MRPS35: variants seen among roughly 807,000 people sequenced by gnomAD.
MRPS35 encodes the protein small ribosomal subunit protein mS35.
MRPS35 carries 29 observed loss-of-function variants against 32.7 expected under a neutral mutation model. The observed-to-expected ratio is 0.89, with a 90% CI of 0.66 to 1.21. The LOEUF (loss-of-function observed/expected upper bound fraction) is 1.21. Among genes scored for constraint, MRPS35 ranks in the 50% most tolerant of loss-of-function variants. MRPS35 has a pLI of 0.00. For synonymous variants in MRPS35, 148 were observed against 139.3 expected (o/e 1.06, Z -0.44); for missense variants, 373 against 383.8 (o/e 0.97, Z 0.23).
At chr12:27,731,751 T>C (rs1033671218) in intron 5 of MRPS35, among the ~76,000 whole-genome samples, 4 of 152,142 alleles carry the variant, frequency 2.6e-5, no homozygotes, top group Non-Finnish European at 5.9e-5. Flanking sequence ...GTATTTTTAG[T>C]AGAGATGGGG....
In MRPS35 at chr12:27,755,282, G is replaced by A. The variant is rs1198067822; in HGVS notation, c.804G>A (p.Gln268=). The part of the protein sequence containing the change: ...SERNILETLL[Q]MKAAEKNMEI... Reference sequence around the variant, plus strand: ...GAAATATCCTGGAAACGCTTCTCCAGATGAAAGCTGCTGAGAAAAATATGG... The same window carrying A: ...GAAATATCCTGGAAACGCTTCTCCAAATGAAAGCTGCTGAGAAAAATATGG... The change falls in exon 8 of 8, where the codon CAG becomes CAA. Residue 268 remains glutamine (Q), a synonymous_variant. Transcript: ENST00000081029. The A allele has an allele frequency of 6.2e-7, 1 of 1,613,094 alleles. No homozygotes were observed. Among genetic ancestry groups the A allele is most frequent in the Non-Finnish European group, 8.5e-7 (1 of 1,179,830 alleles).
chr12:27,720,386 C>T (rs565926283), intron 4 of MRPS35, among the ~76,000 whole-genome samples: 1 of 139,186 alleles, frequency 7.2e-6, no homozygotes, highest in Non-Finnish European at 1.6e-5. Context: ...AAGAGGGAAA[C>T]GCCATCTCAA....
chr12:27,752,645 A>G (rs1421769123), intron 7 of MRPS35, among the ~76,000 whole-genome samples: 1 of 152,252 alleles, frequency 6.6e-6, no homozygotes, highest in Non-Finnish European at 1.5e-5. Context: ...AAACTATGAC[A>G]TTGTCTTGAA....
In MRPS35 at chr12:27,755,543, C is replaced by A. The variant is rs889384265; in HGVS notation, c.*93C>A. 4 of 1,215,360 alleles carry A rather than the reference C, an allele frequency of 3.3e-6. No homozygotes were observed. The African/African-American group carries it at 6.3e-5, about 19-fold the overall frequency. The allele number at this position is 1,215,360 out of a possible 1,614,324, so 75.3% of individuals were successfully genotyped here. Reference sequence around the variant, plus strand: ...TATAAAATTGAAAATGTTAAAAAATCATTTTTTTTCCTCAGAGTTAAAATT... The same window carrying A: ...TATAAAATTGAAAATGTTAAAAAATAATTTTTTTTCCTCAGAGTTAAAATT... On this transcript the variant is annotated 3_prime_UTR_variant, in exon 8 of 8. Transcript: ENST00000081029.
intron 4 of MRPS35, 89 bp from the exon 5 acceptor site, chr12:27,723,958 T>G: frequency 7.8e-7 from 1 of 1,279,766 alleles, no homozygotes; most frequent in South Asian, 1.4e-5. Flanking sequence ...TTGGTGATGC[T>G]CTCAGTAATT....
intron 1 of MRPS35, 77 bp from the exon 2 acceptor site, chr12:27,714,703 G>A (rs1270191701): frequency 2.9e-6 from 3 of 1,042,518 alleles, no homozygotes; most frequent in African/African-American, 3.2e-5. Context: ...TAGAATAATG[G>A]GATCATGATT....
intron 1 of MRPS35, among the ~76,000 whole-genome samples, chr12:27,714,245 T>G (rs1319036766): frequency 6.6e-6 from 1 of 152,116 alleles, no homozygotes; most frequent in Non-Finnish European, 1.5e-5. Flanking sequence ...TAAGAGTCAT[T>G]TTTTAGATAA....
In MRPS35 at chr12:27,716,478, C is replaced by G. The variant is rs761140220; in HGVS notation, c.321+20C>G. ...TTAAAGGTAAGACAAATTGCTGATT[C>G]ATTGGCTCAGACTTACATAGAAATA... On this transcript the variant is annotated intron_variant, in intron 3 of 7. Transcript: ENST00000081029. 7 of 1,613,450 alleles carry G rather than the reference C, an allele frequency of 4.3e-6. No homozygotes were observed. In the South Asian group the frequency reaches 6.6e-5, roughly 15 times the overall value.
chr12:27,750,060 G>A lies in MRPS35; in HGVS notation c.703-5121G>A, dbSNP rs73300129. Among the ~76,000 whole-genome samples, 1,254 of 152,276 alleles carry A rather than the reference G, an allele frequency of 8.2e-3. 19 individuals carry two copies. Among genetic ancestry groups the A allele is most frequent in the African/African-American group, 0.029 (1,197 of 41,552 alleles). On this transcript the variant is annotated intron_variant, in intron 7 of 7. Transcript: ENST00000081029. ...AGCTTTAGAAATTGTTAGTCTTTCC[G>A]TAACTTATTTGGTGACAAACATGTG...
At position 27,724,180 on chromosome 12, in the gene MRPS35, C is replaced by G; in HGVS notation, c.516C>G (p.Val172=). The G allele has an allele frequency of 6.4e-7, 1 of 1,557,478 alleles. No homozygotes were observed. The highest frequency in any genetic ancestry group is 8.6e-7 in the Non-Finnish European group (1 of 1,158,680). ...SVRNPRARVV[V]LRVKLSSLNL... is the part of the protein sequence containing the mutation. ...GGAACCCCAGAGCACGAGTAGTAGTCTTAAGAGTAAGAGTTTTTTTCATTT... is the reference window on the plus strand; with the variant it reads ...GGAACCCCAGAGCACGAGTAGTAGTGTTAAGAGTAAGAGTTTTTTTCATTT... The change falls in exon 5 of 8, where the codon GTC becomes GTG. Residue 172 remains valine, a synonymous_variant. Coordinates refer to ENST00000081029, the MANE Select transcript of MRPS35 (RefSeq NM_021821.4).
chr12:27,749,466 G>T (rs1236642791), intron 7 of MRPS35, among the ~76,000 whole-genome samples: 1 of 152,160 alleles, frequency 6.6e-6, no homozygotes, highest in Non-Finnish European at 1.5e-5. Flanking sequence ...TCTTGTTTCT[G>T]TATATTTTAT....
At chr12:27,712,051 T>A (rs1244785701) in intron 1 of MRPS35, among the ~76,000 whole-genome samples, 1 of 151,478 alleles carries the variant, frequency 6.6e-6, no homozygotes, top group East Asian at 1.9e-4. Flanking sequence ...AAGTAGAGTA[T>A]TGAGAATGAT....
At position 27,735,475 on chromosome 12, in the gene MRPS35, A is replaced by C. The variant is rs371051564; in HGVS notation, c.551A>C (p.Asp184Ala). 23 of 1,610,596 alleles carry C rather than the reference A, an allele frequency of 1.4e-5. No individual in the cohort carries two copies. Among genetic ancestry groups the C allele is most frequent in the Non-Finnish European group, 1.9e-5 (22 of 1,178,812 alleles). ...AAGCTTTCCAGTTTGAATTTAGATGATCACGCAAAGAAGAAATTAATTAAA... is the reference window on the plus strand; with the variant it reads ...AAGCTTTCCAGTTTGAATTTAGATGCTCACGCAAAGAAGAAATTAATTAAA... ...RVKLSSLNLD[D>A]HAKKKLIKLV... is the part of the protein sequence containing the mutation. Residue 184 changes from aspartate (D) to alanine (A), a missense_variant, in exon 6 of 8, where the codon GAT becomes GCT. By Grantham distance (126) the Asp-to-Ala change is moderately radical (BLOSUM62 -2). Transcript: ENST00000081029.
At chr12:27,742,722 G>T (rs1377264174) in intron 7 of MRPS35, among the ~76,000 whole-genome samples, 1 of 152,194 alleles carries the variant, frequency 6.6e-6, no homozygotes, top group South Asian at 2.1e-4. Flanking sequence ...GCAAAATGTA[G>T]ATTTGTAACC....
chr12:27,723,586 G>A (rs2061886121), intron 4 of MRPS35, among the ~76,000 whole-genome samples: 1 of 152,222 alleles, frequency 6.6e-6, no homozygotes, highest in Non-Finnish European at 1.5e-5. Flanking sequence ...CTCCATCTCA[G>A]TTTCTTCTTA....
intron 5 of MRPS35, among the ~76,000 whole-genome samples, chr12:27,730,985 G>A (rs978868036): frequency 1.3e-5 from 2 of 151,960 alleles, no homozygotes; most frequent in Non-Finnish European, 2.9e-5. Flanking sequence ...CTTTTATATG[G>A]CAAATTTGTT....
chr12:27,748,470 T>TGA (rs1555107605), intron 7 of MRPS35, among the ~76,000 whole-genome samples: 8 of 148,376 alleles, frequency 5.4e-5, no homozygotes, highest in South Asian at 2.1e-4. Context: ...TGTGTGTGTG[T>TGA]GATCCATATT....
intron 1 of MRPS35, among the ~76,000 whole-genome samples, chr12:27,712,671 AATG>A (rs1295193021): frequency 1.3e-5 from 2 of 152,324 alleles, no homozygotes; most frequent in South Asian, 2.1e-4. Context: ...CAATTGGATG[AATG>A]ATGATTCCAT....
At chr12:27,725,628 G>A (rs2061896587) in intron 5 of MRPS35, 3 of 223,218 alleles carry the variant, frequency 1.3e-5, no homozygotes, top group South Asian at 1.3e-4. Flanking sequence ...CTGCTTTCCT[G>A]TGCTCTCACC....
Sources: allele counts gnomAD v4.1 joint callset (sites outside exome capture counted in the v4.1 genomes callset), GRCh38; gene constraint gnomAD v4.1.1; transcripts MANE v1.5; gene names NCBI Gene and HGNC (gene_info 2026-07-23, HGNC 2026-07-21).